The following B3GALT1 variants were observed in gnomAD, a reference collection of about 807,000 sequenced individuals.
B3GALT1 encodes beta-1,3-galactosyltransferase 1, also known as UDP-Gal:betaGlcNAc beta 1,3-galactosyltransferase, polypeptide 1.
A neutral mutation model predicts 23.2 loss-of-function variants in B3GALT1; 10 were observed. That is an observed-to-expected ratio of 0.43 (90% CI 0.27 to 0.73). The LOEUF (loss-of-function observed/expected upper bound fraction) is 0.73. Among genes scored for constraint, B3GALT1 ranks in the 30% least tolerant of loss-of-function variants. The pLI, the probability that B3GALT1 is intolerant of heterozygous loss-of-function variation, is 0.21. For missense variants in B3GALT1, 299 were observed against 405.4 expected (o/e 0.74, Z 2.25); for synonymous variants, 156 against 141.5 (o/e 1.10, Z -0.73).
intron 3 of B3GALT1, among the ~76,000 whole-genome samples, chr2:167,649,355 C>G (rs113624404): frequency 0.017 from 2,585 of 152,022 alleles, 33 homozygotes; most frequent in African/African-American, 0.024. Flanking sequence ...AATTTAGTAG[C>G]ATTTAGTACA....
intron 2 of B3GALT1, among the ~76,000 whole-genome samples, chr2:167,592,757 A>G (rs1253013458): frequency 6.6e-6 from 1 of 152,148 alleles, no homozygotes; most frequent in East Asian, 1.9e-4. Context: ...GACAAGTTAA[A>G]ACACTAGGCT....
At chr2:167,470,165 C>G (rs1699403804) in intron 1 of B3GALT1, among the ~76,000 whole-genome samples, 1 of 152,098 alleles carries the variant, frequency 6.6e-6, no homozygotes, top group African/African-American at 2.4e-5. Flanking sequence ...CTGCTATACC[C>G]ATAGGGTGTG....
chr2:167,579,730 T>A (rs892969636), intron 2 of B3GALT1, among the ~76,000 whole-genome samples: 2 of 152,122 alleles, frequency 1.3e-5, no homozygotes, highest in Non-Finnish European at 2.9e-5. Context: ...CATCTTATAG[T>A]GTTTACCTCA....
At chr2:167,714,323 G>A in intron 3 of B3GALT1, 1 of 1,493,224 alleles carries the variant, frequency 6.7e-7, no homozygotes, top group Non-Finnish European at 9.3e-7. Context: ...AGCATCAGTT[G>A]ACCTATCACA....
intron 3 of B3GALT1, among the ~76,000 whole-genome samples, chr2:167,813,427 C>T (rs564406889): frequency 6.6e-6 from 1 of 152,184 alleles, no homozygotes; most frequent in Non-Finnish European, 1.5e-5. Context: ...TTTTTAATCG[C>T]TAAATTTCAG....
intron 2 of B3GALT1, among the ~76,000 whole-genome samples, chr2:167,588,513 A>AG (rs1684617371): frequency 1.3e-5 from 2 of 152,130 alleles, no homozygotes; most frequent in South Asian, 4.1e-4. Flanking sequence ...ATAGCATATA[A>AG]GGGTGACAGT....
intron 1 of B3GALT1, among the ~76,000 whole-genome samples, chr2:167,368,097 G>A (rs1241826648): frequency 1.3e-5 from 2 of 152,168 alleles, no homozygotes; most frequent in African/African-American, 4.8e-5. Context: ...TTCTAAGAAT[G>A]AGAAAGCATG....
chr2:167,420,501 T>C (rs1574071867), intron 1 of B3GALT1, among the ~76,000 whole-genome samples: 1 of 152,344 alleles, frequency 6.6e-6, no homozygotes, highest in Admixed American at 6.5e-5. Flanking sequence ...ATTGTGTATT[T>C]CAAGAAACAA....
intron 3 of B3GALT1, among the ~76,000 whole-genome samples, chr2:167,755,011 GTCT>G (rs1211288297): frequency 1.3e-5 from 2 of 152,036 alleles, no homozygotes; most frequent in Non-Finnish European, 2.9e-5. Context: ...CTTGAGCAGT[GTCT>G]AATGAGTATG....
chr2:167,444,653 T>C (rs187883126), intron 1 of B3GALT1, among the ~76,000 whole-genome samples: 1 of 152,256 alleles, frequency 6.6e-6, no homozygotes, highest in Non-Finnish European at 1.5e-5. Context: ...TTTATTTGCG[T>C]AGAGGTGTTT....
chr2:167,818,905 G>A (rs1043107559), intron 4 of B3GALT1, among the ~76,000 whole-genome samples, 112 bp downstream of exon 4: 4 of 152,212 alleles, frequency 2.6e-5, no homozygotes, highest in Admixed American at 2.6e-4. Context: ...AAGGACTAAT[G>A]AGCAGAGAGA....
intron 3 of B3GALT1, among the ~76,000 whole-genome samples, chr2:167,774,428 G>T (rs918565285): frequency 6.7e-6 from 1 of 148,154 alleles, no homozygotes; most frequent in Non-Finnish European, 1.5e-5. Context: ...GAAGGACCTA[G>T]TATCCTTTGC....
intron 1 of B3GALT1, among the ~76,000 whole-genome samples, chr2:167,408,811 A>C (rs1423772808): frequency 8.4e-6 from 1 of 119,246 alleles, no homozygotes; most frequent in Admixed American, 8.8e-5. Context: ...AAAAAAAAAA[A>C]AACAAAAGAC....
At chr2:167,487,205 C>G (rs1037161888) in intron 1 of B3GALT1, among the ~76,000 whole-genome samples, 2 of 152,156 alleles carry the variant, frequency 1.3e-5, no homozygotes, top group Non-Finnish European at 2.9e-5. Flanking sequence ...GTCCCACTTA[C>G]TTTGTTCAGA....
In B3GALT1 at chr2:167,401,328, T is replaced by C. The variant is rs112631893; in HGVS notation, c.-510-88849T>C. ...GAGTTTGAAGAAAGCAAGAGAATGA[T>C]AGTCTTGGATTCTCTGAGTTTAGCA... On this transcript the variant is annotated intron_variant, in intron 1 of 4. Transcript: ENST00000392690. Among the ~76,000 whole-genome samples the C allele has an allele frequency of 3.5e-3, 536 of 152,248 alleles. 6 individuals are homozygous for C. Among genetic ancestry groups the C allele is most frequent in the African/African-American group, 0.012 (518 of 41,564 alleles).
chr2:167,689,342 C>T (rs1318731179), intron 3 of B3GALT1, among the ~76,000 whole-genome samples: 1 of 152,094 alleles, frequency 6.6e-6, no homozygotes, highest in South Asian at 2.1e-4. Flanking sequence ...AAGAGGAAAT[C>T]AAGACATTCT....
intron 3 of B3GALT1, among the ~76,000 whole-genome samples, chr2:167,721,881 G>T (rs1052922093): frequency 1.5e-4 from 23 of 152,210 alleles, no homozygotes; most frequent in Non-Finnish European, 2.6e-4. Flanking sequence ...TCAGGGACTG[G>T]CATTTGCCAC....
chr2:167,731,853 T>A (rs1024254775), intron 3 of B3GALT1, among the ~76,000 whole-genome samples: 13 of 152,262 alleles, frequency 8.5e-5, no homozygotes, highest in African/African-American at 2.9e-4. Flanking sequence ...TTAAGGAGAT[T>A]TGTTTCCAGA....
At chr2:167,323,483 A>G (rs1178332940) in intron 1 of B3GALT1, among the ~76,000 whole-genome samples, 1 of 152,054 alleles carries the variant, frequency 6.6e-6, no homozygotes, top group East Asian at 1.9e-4. Context: ...TTGTTAGGAA[A>G]CTCAATAATG....
Sources: gnomAD v4.1 joint callset for allele counts (sites outside exome capture counted in the v4.1 genomes callset) on GRCh38, gnomAD v4.1.1 for gene constraint, MANE v1.5 for transcripts, NCBI Gene and HGNC (gene_info 2026-07-23, HGNC 2026-07-21) for gene names.